EHBP1: variants seen among roughly 807,000 people sequenced by gnomAD.
The protein encoded by EHBP1 is EH domain binding protein 1, also known as EH domain-binding protein 1.
In EHBP1, 55 loss-of-function variants were observed where a neutral mutation model predicts 144.0. The observed-to-expected ratio is 0.38, with a 90% CI of 0.31 to 0.48. The LOEUF is 0.48. Among genes scored for constraint, EHBP1 ranks in the 20% least tolerant of loss-of-function variants. The pLI is 0.98. For synonymous variants in EHBP1, 469 were observed against 472.7 expected (o/e 0.99, Z 0.10); for missense variants, 1,200 against 1,364.2 (o/e 0.88, Z 1.90).
intron 1 of EHBP1, among the ~76,000 whole-genome samples, chr2:62,688,255 A>G (rs1209497627): frequency 6.6e-6 from 1 of 152,168 alleles, no homozygotes; most frequent in Non-Finnish European, 1.5e-5. Flanking sequence ...GCAATGTTAT[A>G]TACTCTACGC....
Position 62,717,112 on chromosome 2 carries a change from A to G in EHBP1, c.104+9817A>G, listed in dbSNP as rs1264378772. Among the ~76,000 whole-genome samples, 4 of 152,168 alleles carry G rather than the reference A, an allele frequency of 2.6e-5. 1 individual carries two copies. Among genetic ancestry groups the G allele is most frequent in the African/African-American group, 4.8e-5 (2 of 41,442 alleles). ...TTTTTCCTGTCATGATTTTAAAGAA[A>G]TGAACCTAGGATCTTTTCGTAGTGT... On this transcript the variant is annotated intron_variant, in intron 2 of 22. Coordinates refer to ENST00000431489, the MANE Select transcript of EHBP1 (RefSeq NM_001142616.3).
intron 5 of EHBP1, among the ~76,000 whole-genome samples, chr2:62,782,509 T>C (rs960576709): frequency 1.3e-5 from 2 of 152,124 alleles, no homozygotes; most frequent in African/African-American, 4.8e-5. Context: ...ATTTATAATA[T>C]AAAGAAAAGA....
intron 10 of EHBP1, among the ~76,000 whole-genome samples, chr2:62,942,050 T>C (rs1420328441): frequency 1.3e-5 from 2 of 152,098 alleles, no homozygotes; most frequent in African/African-American, 4.8e-5. Flanking sequence ...CTAACTCACC[T>C]GGTATTCAAA....
chr2:62,895,495 A>T (rs1180342572), intron 10 of EHBP1, among the ~76,000 whole-genome samples: 1 of 152,130 alleles, frequency 6.6e-6, no homozygotes, highest in Non-Finnish European at 1.5e-5. Flanking sequence ...GGCCCCAGTG[A>T]CTTCCTTTGA....
intron 10 of EHBP1, among the ~76,000 whole-genome samples, chr2:62,941,264 A>G (rs1231370497): frequency 1.3e-5 from 2 of 152,126 alleles, no homozygotes; most frequent in African/African-American, 4.8e-5. Flanking sequence ...ATGAAAAGAT[A>G]TTTAATAGTT....
intron 2 of EHBP1, among the ~76,000 whole-genome samples, chr2:62,730,708 CAG>C (rs1170596643): frequency 6.8e-6 from 1 of 146,334 alleles, no homozygotes; most frequent in Non-Finnish European, 1.5e-5. Flanking sequence ...GACAGACAGA[CAG>C]AGATACACAA....
intron 19 of EHBP1, among the ~76,000 whole-genome samples, chr2:63,000,408 A>G (rs2059802518): frequency 6.6e-6 from 1 of 150,856 alleles, no homozygotes. Flanking sequence ...TTTAAACTAT[A>G]TTTCAGGCCG....
intron 10 of EHBP1, among the ~76,000 whole-genome samples, chr2:62,902,786 T>C (rs761834037): frequency 3.6e-4 from 55 of 152,210 alleles, no homozygotes; most frequent in Non-Finnish European, 7.1e-4. Flanking sequence ...GAAATATTTT[T>C]AAACAGTTAT....
chr2:62,764,201 C>T (rs2040990838), intron 3 of EHBP1, 65 bp from the exon 4 acceptor site: 1 of 1,151,866 alleles, frequency 8.7e-7, no homozygotes, highest in South Asian at 1.7e-5. Context: ...TCATTTTATT[C>T]TGGTAAATTA....
chr2:63,031,356 C>T (rs1021986626), intron 19 of EHBP1, among the ~76,000 whole-genome samples: 6 of 152,064 alleles, frequency 3.9e-5, no homozygotes, highest in African/African-American at 9.7e-5. Context: ...TACTAGAGGT[C>T]GCTTAATTGA....
chr2:62,957,579 A>G (rs966144535), intron 14 of EHBP1, among the ~76,000 whole-genome samples: 4 of 151,908 alleles, frequency 2.6e-5, no homozygotes, highest in Admixed American at 6.6e-5. Context: ...TGATTCGTAC[A>G]TAGAAAATTC....
intron 15 of EHBP1, among the ~76,000 whole-genome samples, chr2:62,983,068 T>C (rs1253754078): frequency 6.6e-6 from 1 of 152,196 alleles, no homozygotes; most frequent in Non-Finnish European, 1.5e-5. Context: ...CTTGTGGGGC[T>C]TATGAGAAAA....
chr2:62,711,462 A>T (rs1381971586), intron 2 of EHBP1, among the ~76,000 whole-genome samples: 1 of 152,142 alleles, frequency 6.6e-6, no homozygotes, highest in Non-Finnish European at 1.5e-5. Context: ...GTGAGGGAGA[A>T]ATCAAGAATT....
intron 19 of EHBP1, among the ~76,000 whole-genome samples, chr2:63,022,110 A>G (rs2060779771): frequency 3.3e-5 from 5 of 152,066 alleles, no homozygotes; most frequent in African/African-American, 9.7e-5. Flanking sequence ...ATGTATAGAA[A>G]CAACTGGATG....
chr2:62,809,648 C>T (rs910105147), intron 5 of EHBP1, among the ~76,000 whole-genome samples: 5 of 152,160 alleles, frequency 3.3e-5, no homozygotes, highest in Non-Finnish European at 5.9e-5. Context: ...TCACCTACCA[C>T]CCTGTCACTC....
intron 5 of EHBP1, among the ~76,000 whole-genome samples, chr2:62,799,145 TTTA>T (rs1426663895): frequency 6.6e-6 from 1 of 152,180 alleles, no homozygotes; most frequent in Admixed American, 6.5e-5. Context: ...GAGTTGGTAG[TTTA>T]TACAACTTTT....
chr2:63,020,034 C>T (rs904274672), intron 19 of EHBP1, among the ~76,000 whole-genome samples: 4 of 150,450 alleles, frequency 2.7e-5, no homozygotes, highest in East Asian at 2.0e-4. Flanking sequence ...ACTAAAAGTA[C>T]GAAAATTAAG....
chr2:62,874,559 G>T, intron 10 of EHBP1, 27 bp downstream of exon 10: 3 of 1,497,582 alleles, frequency 2.0e-6, no homozygotes, highest in Non-Finnish European at 1.8e-6. Flanking sequence ...AGTAAAACAT[G>T]TATTAATATT....
upstream of EHBP1, among the ~76,000 whole-genome samples, chr2:62,702,457 A>T (rs916722399): frequency 1.3e-5 from 2 of 152,152 alleles, no homozygotes; most frequent in Non-Finnish European, 2.9e-5. Flanking sequence ...GGTGAGTAGG[A>T]GGTACCTGTT....
Sources: allele counts gnomAD v4.1 joint callset (sites outside exome capture counted in the v4.1 genomes callset), GRCh38; gene constraint gnomAD v4.1.1; transcripts MANE v1.5; gene names NCBI Gene and HGNC (gene_info 2026-07-23, HGNC 2026-07-21).